Variants in FRMD4A observed in about 807,000 individuals in gnomAD.
FRMD4A encodes the protein FERM domain containing 4A.
Under a neutral mutation model 129.1 loss-of-function variants are expected in FRMD4A, and 29 were observed. The ratio of observed to expected loss-of-function variants is 0.22; its 90% CI spans 0.17 to 0.31. The LOEUF is 0.31. Among genes scored for constraint, FRMD4A ranks in the 10% least tolerant of loss-of-function variants. The probability of loss-of-function intolerance (pLI) is 1.00; values close to 1 mark genes in which losing one functional copy is unlikely to be tolerated. For missense variants in FRMD4A, 1,272 were observed against 1,375.8 expected (o/e 0.92, Z 1.19); for synonymous variants, 634 against 571.6 (o/e 1.11, Z -1.56).
At chr10:14,257,661 G>C (rs1844663737) in intron 2 of FRMD4A, among the ~76,000 whole-genome samples, 1 of 152,184 alleles carries the variant, frequency 6.6e-6, no homozygotes, top group South Asian at 2.1e-4. Context: ...CAAGAAAACA[G>C]AGACACGGAA....
intron 2 of FRMD4A, among the ~76,000 whole-genome samples, chr10:13,996,052 C>T (rs991651575): frequency 5.3e-5 from 8 of 152,252 alleles, no homozygotes; most frequent in Non-Finnish European, 2.9e-5. Flanking sequence ...AAGGCAGATT[C>T]GGTGCCTGGG....
chr10:13,729,949 A>G (rs990316167), intron 12 of FRMD4A, among the ~76,000 whole-genome samples: 1 of 152,350 alleles, frequency 6.6e-6, no homozygotes, highest in Non-Finnish European at 1.5e-5. Context: ...GTGCTTCACA[A>G]TATTTGCTCT....
At chr10:13,883,720 A>G (rs2094572836) in intron 2 of FRMD4A, among the ~76,000 whole-genome samples, 1 of 152,236 alleles carries the variant, frequency 6.6e-6, no homozygotes, top group Non-Finnish European at 1.5e-5. Context: ...GGAAGGAACC[A>G]CAAACAAATA....
chr10:14,077,953 T>G (rs1252943694), intron 2 of FRMD4A, among the ~76,000 whole-genome samples: 5 of 151,968 alleles, frequency 3.3e-5, no homozygotes, highest in African/African-American at 4.8e-5. Context: ...ATGGCATAGG[T>G]GAGGAAAGAA....
chr10:13,864,338 C>CAAAA (rs149602938), intron 2 of FRMD4A, among the ~76,000 whole-genome samples: 2,895 of 114,400 alleles, frequency 0.025, 53 homozygotes, highest in South Asian at 0.043. Context: ...CATCTTGAGT[C>CAAAA]AAAAAAAAAA....
At chr10:13,779,326 A>C (rs28415230) in intron 6 of FRMD4A, among the ~76,000 whole-genome samples, 2,679 of 152,222 alleles carry the variant, frequency 0.018, 102 homozygotes, top group South Asian at 0.12. Context: ...CAAGAAAAAA[A>C]AAAAAAAGAC....
chr10:13,895,759 A>C (rs1246520847), intron 2 of FRMD4A, among the ~76,000 whole-genome samples: 1 of 152,244 alleles, frequency 6.6e-6, no homozygotes, highest in Non-Finnish European at 1.5e-5. Context: ...AAATTTTTGC[A>C]ATCTACCCAT....
rs1463169585 is a variant in FRMD4A at position 13,654,431 on chromosome 10, A to G, written c.3035T>C (p.Leu1012Pro). The G allele has an allele frequency of 5.6e-6, 9 of 1,598,358 alleles. No individual in the cohort carries two copies. The highest frequency in any genetic ancestry group is 7.7e-6 in the Non-Finnish European group (9 of 1,165,650). ...GAGAACTCACCCAGTCTGCCAGGTT[A>G]GGATGTGGTGGGGGCTGCTTGGGGG... ...ATPPSSPHHI[L>P]TWQTGEATEN... The change falls in exon 23 of 25, where the codon CTA becomes CCA. Residue 1012 changes from leucine to proline, a missense_variant. Coordinates refer to ENST00000357447, the MANE Select transcript of FRMD4A (RefSeq NM_018027.5).
At position 13,647,035 on chromosome 10, in the gene FRMD4A, C is replaced by A. The variant is rs1465158129; in HGVS notation, c.*3G>T. 2.3e-5 allele frequency: 21 copies of A among 906,164 alleles called. No individual in the cohort carries two copies. The highest frequency in any genetic ancestry group is 2.8e-5 in the Non-Finnish European group (21 of 757,222). The allele number at this position is 906,164 out of a possible 1,614,324, so 56.1% of individuals were successfully genotyped here. On this transcript the variant is annotated splice_region_variant and 3_prime_UTR_variant, in exon 25 of 25. Transcript: ENST00000357447. ...CCAGGAAACAGCTATCATTGTAGCT[C>A]CTGTGGGAGGCCCAAGAAAGGAGAT...
In FRMD4A at chr10:14,206,668, G is replaced by A. The variant is rs560276743; in HGVS notation, c.45+123390C>T. ...AAATACAAAAAAAAATTAGCCGGGC[G>A]TGGTGGCATGCTCCTGTAATCCCAG... On this transcript the variant is annotated intron_variant, in intron 2 of 24. Coordinates refer to ENST00000357447, the MANE Select transcript of FRMD4A (RefSeq NM_018027.5). 1.4e-4 allele frequency among the ~76,000 whole-genome samples: 22 copies of A among 151,838 alleles called. 1 individual carries two copies. The South Asian group carries it at 2.7e-3, about 19-fold the overall frequency.
In FRMD4A at chr10:13,686,915, C is replaced by T. The variant is rs139555378; in HGVS notation, c.1117+6983G>A. On this transcript the variant is annotated intron_variant, in intron 15 of 24. Coordinates refer to ENST00000357447, the MANE Select transcript of FRMD4A (RefSeq NM_018027.5). ...GTCCCTGCAGCACACTGGGTATTTC[C>T]TAAGTGGGTTTGTGCTATTTTCCTT... is the stretch of plus-strand genomic sequence containing the variant. 2.6e-5 allele frequency among the ~76,000 whole-genome samples: 4 copies of T among 152,246 alleles called. No individual in the cohort carries two copies. The East Asian group carries it at 7.7e-4, about 29-fold the overall frequency.
chr10:13,821,814 G>A lies in FRMD4A; in HGVS notation c.112-10906C>T, dbSNP rs1469072605. On this transcript the variant is annotated intron_variant, in intron 3 of 24. Coordinates refer to ENST00000357447, the MANE Select transcript of FRMD4A (RefSeq NM_018027.5). The surrounding 1 kb of genome is among the most constrained non-coding windows in gnomAD (Gnocchi z 4.3). Reference sequence around the variant, plus strand: ...CCATCTGCCCAGCCCACTTCATGACGGCAGCAGAAAGGAAAGCCTAGAGGA... The same window carrying A: ...CCATCTGCCCAGCCCACTTCATGACAGCAGCAGAAAGGAAAGCCTAGAGGA... Among the ~76,000 whole-genome samples the A allele has an allele frequency of 1.3e-5, 2 of 152,088 alleles. No individual in the cohort carries two copies. The highest frequency in any genetic ancestry group is 2.9e-5 in the Non-Finnish European group (2 of 68,018).
rs2093625580 is a variant in FRMD4A, at chr10:13,821,202, C to T, written c.112-10294G>A. ...TGTGGCCAGCAGGTCTGGGCGGCGA[C>T]TCCCCTCCTTGTCGCCCTGCTGCTT... On this transcript the variant is annotated intron_variant, in intron 3 of 24. Transcript: ENST00000357447. The surrounding 1 kb of genome is among the most constrained non-coding windows in gnomAD (Gnocchi z 4.3). 6.6e-6 allele frequency among the ~76,000 whole-genome samples: 1 copy of T among 152,138 alleles called. No individual in the cohort carries two copies. The highest frequency in any genetic ancestry group is 2.1e-4 in the South Asian group (1 of 4,832).
At chr10:14,064,254 T>C (rs7904168) in intron 2 of FRMD4A, among the ~76,000 whole-genome samples, 148,036 of 152,324 alleles carry the variant, frequency 0.97, 72,077 homozygotes, top group East Asian at 1. Context: ...ATATTGATGT[T>C]TTCCGTAACT....
intron 2 of FRMD4A, among the ~76,000 whole-genome samples, chr10:14,161,876 A>C (rs1459135189): frequency 6.6e-6 from 1 of 152,232 alleles, no homozygotes; most frequent in Non-Finnish European, 1.5e-5. Context: ...TGATTTGATC[A>C]TTACACATTG....
intron 3 of FRMD4A, among the ~76,000 whole-genome samples, chr10:13,846,103 T>C (rs748934131): frequency 6.6e-6 from 1 of 152,230 alleles, no homozygotes; most frequent in Non-Finnish European, 1.5e-5. Context: ...TCAGCACATA[T>C]TAAACGCTTA....
chr10:13,763,740 T>G (rs552982569), intron 6 of FRMD4A, among the ~76,000 whole-genome samples: 2 of 152,190 alleles, frequency 1.3e-5, no homozygotes, highest in Non-Finnish European at 2.9e-5. Flanking sequence ...TTTTAACAGC[T>G]TTTTTCTTTC....
intron 2 of FRMD4A, among the ~76,000 whole-genome samples, chr10:14,194,751 G>A (rs1842426347): frequency 6.6e-6 from 1 of 151,906 alleles, no homozygotes; most frequent in Non-Finnish European, 1.5e-5. Flanking sequence ...CTTAAAGCAC[G>A]TAAAATCTTC....
rs2093631989 is a variant in FRMD4A at position 13,821,713 on chromosome 10, C to A, written c.112-10805G>T. On this transcript the variant is annotated intron_variant, in intron 3 of 24. Coordinates refer to ENST00000357447, the MANE Select transcript of FRMD4A (RefSeq NM_018027.5). The surrounding 1 kb of genome is among the most constrained non-coding windows in gnomAD (Gnocchi z 4.3). ...GAAGCAACTCGCCAAATTCACACAGCGAATCAGTGGGAGAACTGAACCGCG... is the reference window on the plus strand; with the variant it reads ...GAAGCAACTCGCCAAATTCACACAGAGAATCAGTGGGAGAACTGAACCGCG... Among the ~76,000 whole-genome samples the A allele has an allele frequency of 6.6e-6, 1 of 152,130 alleles. No individual in the cohort carries two copies. Among genetic ancestry groups the A allele is most frequent in the Non-Finnish European group, 1.5e-5 (1 of 68,026 alleles).
Sources: gnomAD v4.1 joint callset for allele counts (sites outside exome capture counted in the v4.1 genomes callset) on GRCh38, gnomAD v4.1.1 for gene constraint, Gnocchi (gnomAD v3.1) non-coding constraint, MANE v1.5 for transcripts, NCBI Gene and HGNC (gene_info 2026-07-23, HGNC 2026-07-21) for gene names.